The following PIK3C2G variants were observed in gnomAD, a reference collection of about 807,000 sequenced individuals.
The protein encoded by PIK3C2G is phosphatidylinositol-4-phosphate 3-kinase catalytic subunit type 2 gamma.
A neutral mutation model predicts 181.1 loss-of-function variants in PIK3C2G; 168 were observed. That is an observed-to-expected ratio of 0.93 (90% confidence interval 0.82 to 1.05). PIK3C2G has a LOEUF of 1.05. PIK3C2G is among the 50% of genes least tolerant of loss of function. PIK3C2G has a pLI of 0.00. For missense variants in PIK3C2G, 1,869 were observed against 1,732.8 expected (o/e 1.08, Z -1.40); for synonymous variants, 573 against 592.2 (o/e 0.97, Z 0.47).
chr12:18,561,684 GAA>G (rs1170823993), intron 26 of PIK3C2G, among the ~76,000 whole-genome samples: 3 of 151,638 alleles, frequency 2.0e-5, no homozygotes, highest in Non-Finnish European at 4.4e-5. Context: ...AATAAAAAAA[GAA>G]GAGGTAAAGG....
chr12:18,505,513 G>A, intron 24 of PIK3C2G, 52 bp downstream of exon 24: 1 of 1,319,610 alleles, frequency 7.6e-7, no homozygotes, highest in Non-Finnish European at 1.0e-6. Flanking sequence ...TAAGCAATAT[G>A]TATAACATGT....
At chr12:18,646,447 C>A (rs2136848623) in intron 32 of PIK3C2G, among the ~76,000 whole-genome samples, 1 of 152,204 alleles carries the variant, frequency 6.6e-6, no homozygotes, top group East Asian at 1.9e-4. Flanking sequence ...TTTGATTGAA[C>A]CTATTTACTT....
At chr12:18,518,188 G>C (rs1197391644) in intron 24 of PIK3C2G, among the ~76,000 whole-genome samples, 1 of 152,082 alleles carries the variant, frequency 6.6e-6, no homozygotes, top group Admixed American at 6.6e-5. Context: ...ATGTTGGCCT[G>C]AAGTTTTCTT....
chr12:18,693,124 T>C, the PIK3C2G span: 11 of 1,516,720 alleles, frequency 7.3e-6, no homozygotes, highest in Admixed American at 3.3e-5. Context: ...GAAGAGATCA[T>C]TGATGACAAT....
intron 29 of PIK3C2G, among the ~76,000 whole-genome samples, chr12:18,583,712 C>A (rs1946621746): frequency 6.6e-6 from 1 of 152,070 alleles, no homozygotes. Flanking sequence ...CCTTCCCCTG[C>A]CTAACCACTT....
chr12:18,521,547 G>A (rs1418588003), intron 24 of PIK3C2G, among the ~76,000 whole-genome samples: 2 of 152,216 alleles, frequency 1.3e-5, no homozygotes, highest in South Asian at 2.1e-4. Context: ...GCCATAGCTT[G>A]TGTGTTGGGC....
chr12:18,266,013 TAA>T (rs61315448), intron 1 of PIK3C2G, among the ~76,000 whole-genome samples: 293 of 61,744 alleles, frequency 4.7e-3, no homozygotes, highest in African/African-American at 0.018. Flanking sequence ...AGACTTCATC[TAA>T]AAAAAAAAAA....
chr12:18,421,139 T>C (rs1945462834), intron 17 of PIK3C2G, 105 bp downstream of exon 17: 3 of 560,568 alleles, frequency 5.4e-6, no homozygotes, highest in South Asian at 6.1e-5. Flanking sequence ...CATTGCAATT[T>C]GGCCACCCAA....
intron 31 of PIK3C2G, among the ~76,000 whole-genome samples, chr12:18,639,021 T>C (rs1304161396): frequency 6.6e-6 from 1 of 151,858 alleles, no homozygotes; most frequent in Middle Eastern, 3.4e-3. Context: ...ACTGAAGATT[T>C]CATTATACCA....
chr12:18,336,682 A>G (rs1322634049), intron 8 of PIK3C2G, among the ~76,000 whole-genome samples: 1 of 151,954 alleles, frequency 6.6e-6, no homozygotes, highest in Non-Finnish European at 1.5e-5. Context: ...CCATGTTATT[A>G]TTGAGCGGAT....
At chr12:18,515,890 C>A in intron 24 of PIK3C2G, among the ~76,000 whole-genome samples, 1 of 151,950 alleles carries the variant, frequency 6.6e-6, no homozygotes, top group Admixed American at 6.6e-5. Context: ...CTATATCCCA[C>A]AGATTCTAGT....
intron 18 of PIK3C2G, among the ~76,000 whole-genome samples, chr12:18,487,370 T>C (rs927765175): frequency 1.3e-5 from 2 of 152,060 alleles, no homozygotes; most frequent in Non-Finnish European, 1.5e-5. Context: ...TAATACACAT[T>C]GGACAGAGAT....
At chr12:18,717,285 T>G in the PIK3C2G span, among the ~76,000 whole-genome samples, 7,589 of 152,226 alleles carry the variant, frequency 0.05, 469 homozygotes, top group African/African-American at 0.14. Flanking sequence ...ATAATGAAAT[T>G]ATAGCTATAA....
intron 24 of PIK3C2G, among the ~76,000 whole-genome samples, chr12:18,527,861 G>A (rs1943328224): frequency 1.3e-5 from 2 of 152,056 alleles, no homozygotes; most frequent in South Asian, 2.1e-4. Flanking sequence ...GAGCCTGAGA[G>A]GAACCAGAGT....
intron 18 of PIK3C2G, among the ~76,000 whole-genome samples, chr12:18,438,488 T>TA (rs1296164432): frequency 6.6e-6 from 1 of 151,914 alleles, no homozygotes; most frequent in African/African-American, 2.4e-5. Flanking sequence ...ATGGTACACG[T>TA]AGTATAGTTA....
chr12:18,268,337 C>T (rs1565535364), intron 1 of PIK3C2G, among the ~76,000 whole-genome samples: 1 of 152,034 alleles, frequency 6.6e-6, no homozygotes. Flanking sequence ...CAGCCAGATA[C>T]CATTCTACAG....
intron 18 of PIK3C2G, among the ~76,000 whole-genome samples, chr12:18,462,428 C>A (rs1368282174): frequency 6.6e-6 from 1 of 152,148 alleles, no homozygotes; most frequent in Non-Finnish European, 1.5e-5. Context: ...GTATTACATG[C>A]ACATTATATC....
intron 9 of PIK3C2G, among the ~76,000 whole-genome samples, chr12:18,338,906 A>C (rs955342700): frequency 5.9e-5 from 9 of 152,046 alleles, no homozygotes; most frequent in African/African-American, 1.9e-4. Flanking sequence ...ATCACATGTA[A>C]GTGTTTGTAT....
intron 29 of PIK3C2G, among the ~76,000 whole-genome samples, chr12:18,581,831 GA>G (rs1946518237): frequency 6.6e-6 from 1 of 152,084 alleles, no homozygotes; most frequent in Non-Finnish European, 1.5e-5. Context: ...GTGTAAATAT[GA>G]AAAAGAAGCA....
Sources: gnomAD v4.1 joint callset for allele counts (sites outside exome capture counted in the v4.1 genomes callset) on GRCh38, gnomAD v4.1.1 for gene constraint, MANE v1.5 for transcripts, NCBI Gene and HGNC (gene_info 2026-07-23, HGNC 2026-07-21) for gene names.